The following KSR2 variants were observed in gnomAD, a reference collection of about 807,000 sequenced individuals.
KSR2 encodes the protein kinase suppressor of ras 2.
In KSR2, 25 loss-of-function variants were observed where a neutral mutation model predicts 107.8. The observed-to-expected ratio is 0.23, with a 90% CI of 0.17 to 0.32. The LOEUF (loss-of-function observed/expected upper bound fraction) is 0.32, where lower values mean the gene tolerates loss of function less well. KSR2 is among the 10% of genes least tolerant of loss of function. The pLI is 1.00. For synonymous variants in KSR2, 480 were observed against 507.0 expected (o/e 0.95, Z 0.71); for missense variants, 887 against 1,268.9 (o/e 0.70, Z 4.57).
intron 14 of KSR2, among the ~76,000 whole-genome samples, chr12:117,508,112 T>C (rs1873811688): frequency 6.6e-6 from 1 of 152,220 alleles, no homozygotes; most frequent in Admixed American, 6.5e-5. Flanking sequence ...CTGCTGCCTG[T>C]ATTTTCCTTT....
chr12:117,722,112 G>A (rs980736868), intron 4 of KSR2, among the ~76,000 whole-genome samples: 2 of 152,006 alleles, frequency 1.3e-5, no homozygotes, highest in African/African-American at 4.8e-5. Flanking sequence ...GGGTTCAAGT[G>A]ATCCTCCCGC....
intron 5 of KSR2, among the ~76,000 whole-genome samples, chr12:117,629,639 A>T (rs1005989734): frequency 3.3e-5 from 5 of 152,230 alleles, no homozygotes; most frequent in African/African-American, 9.6e-5. Flanking sequence ...TGAGAATCAG[A>T]ACTCTTCCTG....
At chr12:117,540,925 G>C (rs1876439805) in intron 9 of KSR2, among the ~76,000 whole-genome samples, 1 of 152,200 alleles carries the variant, frequency 6.6e-6, no homozygotes, top group East Asian at 1.9e-4. Context: ...GTATCAGCAG[G>C]AACCGGAGTC....
At chr12:117,599,069 C>T (rs997711270) in intron 5 of KSR2, among the ~76,000 whole-genome samples, 6 of 152,088 alleles carry the variant, frequency 3.9e-5, no homozygotes, top group African/African-American at 1.2e-4. Context: ...TTTTAATTTA[C>T]CTAGAAAATG....
At chr12:117,867,209 A>G (rs1386677653) in intron 1 of KSR2, among the ~76,000 whole-genome samples, 1 of 152,006 alleles carries the variant, frequency 6.6e-6, no homozygotes, top group Non-Finnish European at 1.5e-5. Flanking sequence ...CCAGATACTC[A>G]GGAGGCTGAG....
intron 4 of KSR2, among the ~76,000 whole-genome samples, chr12:117,733,974 T>C (rs375166318): frequency 3.3e-5 from 5 of 152,064 alleles, no homozygotes; most frequent in Admixed American, 1.3e-4. Context: ...TAACTCAGGC[T>C]ATTGATGAAT....
At chr12:117,568,011 A>C (rs567720722) in intron 7 of KSR2, among the ~76,000 whole-genome samples, 1 of 152,282 alleles carries the variant, frequency 6.6e-6, no homozygotes, top group South Asian at 2.1e-4. Flanking sequence ...TCTTTAGCCT[A>C]TAGCTAACCA....
chr12:117,495,128 C>T (rs1009406583), intron 14 of KSR2, among the ~76,000 whole-genome samples: 1 of 152,216 alleles, frequency 6.6e-6, no homozygotes, highest in South Asian at 2.1e-4. Flanking sequence ...AAAAAACACT[C>T]GAGCTGTCAG....
intron 3 of KSR2, among the ~76,000 whole-genome samples, chr12:117,849,842 TG>T (rs1241322098): frequency 1.3e-5 from 2 of 152,224 alleles, no homozygotes; most frequent in Non-Finnish European, 2.9e-5. Context: ...CAATACAACT[TG>T]TCTTCTGTCA....
chr12:117,543,043 T>C (rs1381575094), intron 9 of KSR2, among the ~76,000 whole-genome samples: 1 of 152,230 alleles, frequency 6.6e-6, no homozygotes, highest in Non-Finnish European at 1.5e-5. Flanking sequence ...GAGATCTAAG[T>C]TGTTTTCTAT....
chr12:117,836,059 T>A (rs1457604582), intron 3 of KSR2, among the ~76,000 whole-genome samples: 1 of 151,928 alleles, frequency 6.6e-6, no homozygotes, highest in Non-Finnish European at 1.5e-5. Flanking sequence ...TAAAAATATT[T>A]CCATAAAAGA....
rs1315729071 is a variant in KSR2, at chr12:117,866,898, G to T, written c.181-6467C>A. Among the ~76,000 whole-genome samples, 4 of 152,182 alleles carry T rather than the reference G, an allele frequency of 2.6e-5. No individual in the cohort carries two copies. The East Asian group carries it at 7.7e-4, about 29-fold the overall frequency. On this transcript the variant is annotated intron_variant, in intron 1 of 19. Coordinates refer to ENST00000339824, the MANE Select transcript of KSR2 (RefSeq NM_173598.6). ...CAGATATGGCAAAAAGTATGATGGT[G>T]GTATCAAACTGATGCATTTGGAGAA...
At chr12:117,700,858 G>C (rs1011112212) in intron 4 of KSR2, among the ~76,000 whole-genome samples, 13 of 152,162 alleles carry the variant, frequency 8.5e-5, no homozygotes, top group African/African-American at 3.1e-4. Context: ...CTACCATGCA[G>C]GGCAACACCG....
chr12:117,620,137 G>A (rs1251594413), intron 5 of KSR2, among the ~76,000 whole-genome samples: 1 of 152,100 alleles, frequency 6.6e-6, no homozygotes, highest in Non-Finnish European at 1.5e-5. Context: ...ATGGAGAATT[G>A]GAGAGATTAA....
intron 14 of KSR2, among the ~76,000 whole-genome samples, chr12:117,513,050 T>G (rs975246879): frequency 6.6e-6 from 1 of 152,154 alleles, no homozygotes; most frequent in African/African-American, 2.4e-5. Context: ...GCACCTACTT[T>G]GTGCAGGTGC....
chr12:117,765,375 G>C (rs1889188992), intron 3 of KSR2, among the ~76,000 whole-genome samples: 1 of 152,194 alleles, frequency 6.6e-6, no homozygotes, highest in South Asian at 2.1e-4. Context: ...TTGGGAACCA[G>C]AAGAACCCAA....
At chr12:117,798,080 C>T (rs1293390205) in intron 3 of KSR2, among the ~76,000 whole-genome samples, 1 of 108,930 alleles carries the variant, frequency 9.2e-6, no homozygotes, top group East Asian at 3.1e-4. Flanking sequence ...GACTAGCTAT[C>T]TCAAAAGCTA....
At chr12:117,849,352 G>A (rs1193663734) in intron 3 of KSR2, among the ~76,000 whole-genome samples, 6 of 152,156 alleles carry the variant, frequency 3.9e-5, no homozygotes, top group African/African-American at 9.7e-5. Context: ...ACCTCAGCAC[G>A]CATTTCTAGA....
intron 14 of KSR2, among the ~76,000 whole-genome samples, chr12:117,491,042 T>C (rs1227400213): frequency 1.3e-5 from 2 of 152,212 alleles, no homozygotes; most frequent in African/African-American, 4.8e-5. Flanking sequence ...CCTGTCTAAA[T>C]GAAGTTCTGT....
Sources: allele counts gnomAD v4.1 joint callset (sites outside exome capture counted in the v4.1 genomes callset), GRCh38; gene constraint gnomAD v4.1.1; transcripts MANE v1.5; gene names NCBI Gene and HGNC (gene_info 2026-07-23, HGNC 2026-07-21).